Variants in XXYLT1 observed in about 807,000 individuals in gnomAD.
XXYLT1 encodes UDP-xylose:alpha-xyloside alpha-1,3-xylosyltransferase.
Under a neutral mutation model 28.9 loss-of-function variants are expected in XXYLT1, and 20 were observed. The observed-to-expected ratio is 0.69, with a 90% CI of 0.49 to 1.00. The LOEUF is 1.00. Ranked by LOEUF, XXYLT1 falls within the 50% of genes least tolerant of loss-of-function variation. The probability of loss-of-function intolerance (pLI) is 0.00; values close to 1 mark genes in which losing one functional copy is unlikely to be tolerated. For missense variants in XXYLT1, 542 were observed against 560.1 expected, an observed-to-expected ratio of 0.97 and a Z score of 0.33; for synonymous variants, 257 against 253.8, an observed-to-expected ratio of 1.01 and a Z score of -0.12.
At chr3:195,088,131 C>A (rs937944803) in intron 3 of XXYLT1, among the ~76,000 whole-genome samples, 1 of 150,982 alleles carries the variant, frequency 6.6e-6, no homozygotes, top group African/African-American at 2.4e-5. Flanking sequence ...ATTGCCCAGG[C>A]TTGATTAGGT....
At chr3:195,199,655 G>C (rs1722770415) in intron 2 of XXYLT1, among the ~76,000 whole-genome samples, 2 of 152,040 alleles carry the variant, frequency 1.3e-5, no homozygotes. Context: ...CAAAGGCCTA[G>C]AGCTAAGGAG....
chr3:195,154,336 GGCACTAGGAGGCATGT>G (rs893366466), intron 3 of XXYLT1, among the ~76,000 whole-genome samples: 12 of 152,176 alleles, frequency 7.9e-5, no homozygotes, highest in Admixed American at 4.6e-4. Context: ...GCAAAACGGT[GGCACTAGGAGGCATGT>G]GCACTAGGAG....
intron 3 of XXYLT1, among the ~76,000 whole-genome samples, chr3:195,119,121 C>CA (rs112040231): frequency 0.037 from 5,187 of 140,174 alleles, 114 homozygotes; most frequent in Middle Eastern, 0.12. Context: ...ACTAAAAATA[C>CA]AAAAAAAAAA....
At chr3:195,143,818 A>ATATATTTTTTTTT (rs1719641203) in intron 3 of XXYLT1, among the ~76,000 whole-genome samples, 1 of 96,308 alleles carries the variant, frequency 1.0e-5, no homozygotes, top group Non-Finnish European at 2.0e-5. Flanking sequence ...ATATATAGAT[A>ATATATTTTTTTTT]TAGATATATA....
intron 1 of XXYLT1, among the ~76,000 whole-genome samples, chr3:195,242,908 G>A (rs984029390): frequency 6.6e-6 from 1 of 152,132 alleles, no homozygotes; most frequent in Admixed American, 6.5e-5. Context: ...AAGCTTGCTG[G>A]CCCAGCCCTT....
At chr3:195,152,140 TA>T (rs1399477165) in intron 3 of XXYLT1, 1 of 152,554 alleles carries the variant, frequency 6.6e-6, no homozygotes, top group African/African-American at 2.4e-5. Flanking sequence ...GCCACACCTT[TA>T]GAATTGTTAT....
At position 195,077,900 on chromosome 3, in the gene XXYLT1, T is replaced by C. The variant is rs1032098563; in HGVS notation, c.786-7789A>G. Among the ~76,000 whole-genome samples the C allele has an allele frequency of 6.6e-6, 1 of 152,144 alleles. No individual in the cohort carries two copies. Among genetic ancestry groups the C allele is most frequent in the African/African-American group, 2.4e-5 (1 of 41,440 alleles). Reference sequence around the variant, plus strand: ...TGCCCAGCCTGCCTGGGGTTGTCAGTCACGTGACCTTCCCCCAGCATCTGC... The same window carrying C: ...TGCCCAGCCTGCCTGGGGTTGTCAGCCACGTGACCTTCCCCCAGCATCTGC... On this transcript the variant is annotated intron_variant, in intron 3 of 3. Transcript: ENST00000310380. This position sits in a 1 kb window ranked among gnomAD's most constrained non-coding sequence, Gnocchi z 4.8.
intron 3 of XXYLT1, among the ~76,000 whole-genome samples, chr3:195,107,689 C>T (rs1210048871): frequency 3.4e-5 from 4 of 118,594 alleles, no homozygotes; most frequent in African/African-American, 9.7e-5. Flanking sequence ...GCCACAAGTG[C>T]CAGGGGGGCA....
intron 3 of XXYLT1, among the ~76,000 whole-genome samples, chr3:195,123,911 AG>A (rs1307914284): frequency 6.6e-6 from 1 of 152,170 alleles, no homozygotes; most frequent in Non-Finnish European, 1.5e-5. Flanking sequence ...GCAAATTCCA[AG>A]GGTCCTAATG....
intron 2 of XXYLT1, among the ~76,000 whole-genome samples, chr3:195,198,661 T>C (rs1298593917): frequency 6.6e-6 from 1 of 152,230 alleles, no homozygotes; most frequent in African/African-American, 2.4e-5. Context: ...GTGGCAGGGC[T>C]GCATTCAAAC....
At chr3:195,253,779 G>A (rs910633309) in intron 1 of XXYLT1, among the ~76,000 whole-genome samples, 2 of 152,136 alleles carry the variant, frequency 1.3e-5, no homozygotes, top group Non-Finnish European at 2.9e-5. Context: ...GATTACAGGC[G>A]TGAGCCACCG....
chr3:195,222,421 T>C (rs1723866890), intron 2 of XXYLT1, among the ~76,000 whole-genome samples: 1 of 152,146 alleles, frequency 6.6e-6, no homozygotes, highest in African/African-American at 2.4e-5. Context: ...CAGACACCAG[T>C]AGGCTTCAAA....
At chr3:195,112,472 AC>A (rs1717784913) in intron 3 of XXYLT1, among the ~76,000 whole-genome samples, 1 of 145,468 alleles carries the variant, frequency 6.9e-6, no homozygotes, top group Admixed American at 7.0e-5. Flanking sequence ...ACACCCACAC[AC>A]ATGCACACAC....
chr3:195,207,488 A>C, intron 2 of XXYLT1: 1 of 456,514 alleles, frequency 2.2e-6, no homozygotes, highest in Non-Finnish European at 4.4e-6. Flanking sequence ...CTTGTACAAG[A>C]GGTGTACACT....
intron 3 of XXYLT1, among the ~76,000 whole-genome samples, chr3:195,102,726 A>G (rs1284555007): frequency 6.6e-6 from 1 of 152,178 alleles, no homozygotes; most frequent in East Asian, 1.9e-4. Context: ...ACAGACATTT[A>G]GGTTCTTTCC....
At chr3:195,228,461 G>C (rs544924176) in intron 1 of XXYLT1, among the ~76,000 whole-genome samples, 18 of 149,730 alleles carry the variant, frequency 1.2e-4, no homozygotes, top group South Asian at 2.2e-4. Context: ...CCCTACTGTT[G>C]GTTCTGCTTT....
chr3:195,230,764 G>A (rs891125480), intron 1 of XXYLT1, among the ~76,000 whole-genome samples: 1 of 152,154 alleles, frequency 6.6e-6, no homozygotes, highest in African/African-American at 2.4e-5. Flanking sequence ...CCAGAACCAT[G>A]CTGTTTTGGT....
At chr3:195,229,505 G>A (rs1295930661) in intron 1 of XXYLT1, among the ~76,000 whole-genome samples, 1 of 152,026 alleles carries the variant, frequency 6.6e-6, no homozygotes, top group Admixed American at 6.6e-5. Context: ...AATATTTTTT[G>A]TATCCATTAA....
At chr3:195,100,006 A>C (rs531946028) in intron 3 of XXYLT1, among the ~76,000 whole-genome samples, 4 of 152,330 alleles carry the variant, frequency 2.6e-5, no homozygotes, top group African/African-American at 9.6e-5. Context: ...TTAAAAAAGA[A>C]GACAGACTAA....
Sources: gnomAD v4.1 joint callset for allele counts (sites outside exome capture counted in the v4.1 genomes callset) on GRCh38, gnomAD v4.1.1 for gene constraint, Gnocchi (gnomAD v3.1) non-coding constraint, MANE v1.5 for transcripts, NCBI Gene and HGNC (gene_info 2026-07-23, HGNC 2026-07-21) for gene names.